Variants in ATOSA observed in about 807,000 individuals in gnomAD.
The protein encoded by ATOSA is atos homolog A.
the ATOSA span, chr15:52,610,505 G>GGTTT: frequency 9.4e-7 from 1 of 1,062,772 alleles, no homozygotes; most frequent in Non-Finnish European, 1.3e-6. Context: ...TTACCACTGA[G>GGTTT]GTTTACTTTT....
the ATOSA span, among the ~76,000 whole-genome samples, chr15:52,607,355 T>C: frequency 2.2e-4 from 33 of 152,322 alleles, no homozygotes; most frequent in African/African-American, 7.7e-4. Context: ...TTCTGACTGT[T>C]TTTGCTCTAA....
the ATOSA span, among the ~76,000 whole-genome samples, chr15:52,691,968 C>CT: frequency 4.4e-4 from 66 of 151,302 alleles, no homozygotes; most frequent in African/African-American, 1.3e-3. Flanking sequence ...CAGATCATGC[C>CT]TTTTTTTTTC....
At chr15:52,612,530 G>A in the ATOSA span, among the ~76,000 whole-genome samples, 2 of 136,962 alleles carry the variant, frequency 1.5e-5, 1 homozygote, top group African/African-American at 5.6e-5. Context: ...TTGAGATGGA[G>A]TCTCACTCTT....
chr15:52,709,530 G>A, the ATOSA span, among the ~76,000 whole-genome samples: 3 of 152,100 alleles, frequency 2.0e-5, no homozygotes, highest in Non-Finnish European at 4.4e-5. Flanking sequence ...ATGCATACAA[G>A]TCCCTTTCAC....
chr15:52,658,825 A>AAT, the ATOSA span: 1 of 303,014 alleles, frequency 3.3e-6, no homozygotes, highest in East Asian at 4.0e-5. Flanking sequence ...AAAAAAAAAA[A>AAT]AAAGTTAAAA....
At chr15:52,598,211 G>C in the ATOSA span, among the ~76,000 whole-genome samples, 1 of 152,080 alleles carries the variant, frequency 6.6e-6, no homozygotes, top group African/African-American at 2.4e-5. Context: ...AATAGCTGAT[G>C]AGCTTAAAAA....
the ATOSA span, among the ~76,000 whole-genome samples, chr15:52,627,866 T>C: frequency 6.6e-6 from 1 of 152,194 alleles, no homozygotes. Context: ...TAGCCAATTC[T>C]GCCATCTGAT....
the ATOSA span, among the ~76,000 whole-genome samples, chr15:52,607,085 A>C: frequency 6.6e-6 from 1 of 152,348 alleles, no homozygotes; most frequent in Admixed American, 6.5e-5. Flanking sequence ...CCACTCTAAG[A>C]TAGGCAAAAG....
the ATOSA span, among the ~76,000 whole-genome samples, chr15:52,673,273 C>G: frequency 2.6e-5 from 4 of 152,218 alleles, no homozygotes; most frequent in Non-Finnish European, 4.4e-5. Flanking sequence ...GATCACAATA[C>G]TTACCAAATA....
chr15:52,600,569 CTTTATAT>C, the ATOSA span, among the ~76,000 whole-genome samples: 9 of 152,114 alleles, frequency 5.9e-5, no homozygotes, highest in Admixed American at 1.3e-4. Flanking sequence ...TTTTATCTTT[CTTTATAT>C]TTTATATTTT....
chr15:52,668,992 G>A, the ATOSA span, among the ~76,000 whole-genome samples: 15 of 150,746 alleles, frequency 1.0e-4, no homozygotes, highest in African/African-American at 2.0e-4. Flanking sequence ...TGCAAGCTCC[G>A]CCTCCCCGGT....
chr15:52,595,290 C>T, the ATOSA span, among the ~76,000 whole-genome samples: 19 of 152,280 alleles, frequency 1.2e-4, no homozygotes, highest in African/African-American at 4.6e-4. Flanking sequence ...AGACAATAAA[C>T]GTCTCTAAGG....
chr15:52,617,716 TTA>T, the ATOSA span, among the ~76,000 whole-genome samples: 1 of 150,142 alleles, frequency 6.7e-6, no homozygotes, highest in African/African-American at 2.4e-5. Context: ...ATTTTTCACA[TTA>T]TATAGTCTCT....
chr15:52,673,635 G>A, the ATOSA span, among the ~76,000 whole-genome samples: 1 of 152,134 alleles, frequency 6.6e-6, no homozygotes, highest in Non-Finnish European at 1.5e-5. Context: ...CCTCTACCTG[G>A]GAATTTAGCA....
chr15:52,591,936 A>C, the ATOSA span, among the ~76,000 whole-genome samples: 1 of 152,322 alleles, frequency 6.6e-6, no homozygotes, highest in Non-Finnish European at 1.5e-5. Context: ...TGGGAAAAGA[A>C]AACTTTGAAT....
chr15:52,598,886 C>T, the ATOSA span, among the ~76,000 whole-genome samples: 5 of 152,122 alleles, frequency 3.3e-5, no homozygotes, highest in Admixed American at 2.0e-4. Context: ...TAGGTTCTTA[C>T]GAGATCCGGT....
chr15:52,664,501 G>C, the ATOSA span, among the ~76,000 whole-genome samples: 14 of 152,138 alleles, frequency 9.2e-5, no homozygotes, highest in African/African-American at 3.4e-4. Context: ...AGATTTCCGG[G>C]CAATTAAGAC....
At chr15:52,639,115 CTTAAA>C in the ATOSA span, among the ~76,000 whole-genome samples, 1 of 149,760 alleles carries the variant, frequency 6.7e-6, no homozygotes, top group Non-Finnish European at 1.5e-5. Context: ...CCCGAATAGG[CTTAAA>C]TTAAAAGTTT....
At chr15:52,674,684 A>G in the ATOSA span, among the ~76,000 whole-genome samples, 1 of 152,100 alleles carries the variant, frequency 6.6e-6, no homozygotes, top group Non-Finnish European at 1.5e-5. Flanking sequence ...CTCGAGCCTT[A>G]GCAGTTTGAA....
Sources: gnomAD v4.1 joint callset for allele counts (sites outside exome capture counted in the v4.1 genomes callset) on GRCh38, gnomAD v4.1.1 for gene constraint, MANE v1.5 for transcripts, NCBI Gene and HGNC (gene_info 2026-07-23, HGNC 2026-07-21) for gene names.